The following TNFRSF13B variants were observed in gnomAD, a reference collection of about 807,000 sequenced individuals.
TNFRSF13B encodes tumor necrosis factor receptor superfamily member 13B.
In TNFRSF13B, 34 loss-of-function variants were observed where a neutral mutation model predicts 24.0. That is an observed-to-expected ratio of 1.41 (90% CI 1.08 to 1.88). The LOEUF is 1.88. Ranked by LOEUF, TNFRSF13B falls within the 40% of genes most tolerant of loss-of-function variation. TNFRSF13B has a pLI of 0.00. For missense variants in TNFRSF13B, 415 were observed against 380.8 expected, an observed-to-expected ratio of 1.09 and a Z score of -0.75; for synonymous variants, 173 against 150.3, an observed-to-expected ratio of 1.15 and a Z score of -1.10.
intron 1 of TNFRSF13B, among the ~76,000 whole-genome samples, 175 bp from the exon 2 acceptor site, chr17:16,952,758 C>T (rs1312508904): frequency 5.9e-5 from 9 of 152,194 alleles, no homozygotes; most frequent in Non-Finnish European, 1.5e-5. Flanking sequence ...TGCTAGGGGC[C>T]TGGGGCAGCC....
intron 3 of TNFRSF13B, among the ~76,000 whole-genome samples, chr17:16,948,521 G>A (rs769296923): frequency 2.0e-5 from 3 of 152,120 alleles, no homozygotes; most frequent in Admixed American, 6.5e-5. Flanking sequence ...TTCCTCACAC[G>A]GCAGGTCCTT....
intron 1 of TNFRSF13B, among the ~76,000 whole-genome samples, chr17:16,953,224 G>GA (rs1894491609): frequency 6.6e-6 from 1 of 152,136 alleles, no homozygotes; most frequent in African/African-American, 2.4e-5. Flanking sequence ...TAGTACTTAG[G>GA]ACACAGCACC....
rs2087487647 is a variant in TNFRSF13B at position 16,939,302 on chromosome 17, T to A, written c.*245A>T. On this transcript the variant is annotated 3_prime_UTR_variant, in exon 5 of 5. Transcript: ENST00000261652. The stretch of plus-strand genomic sequence containing the variant: ...CTGCCTCTCTCCCTCTCTGCCTCTC[T>A]CCCTCTCTGCCTCTCTCCTTCTCTG... 2 of 498,304 alleles carry A rather than the reference T, an allele frequency of 4.0e-6. No individual in the cohort carries two copies. The highest frequency in any genetic ancestry group is 3.5e-5 in the East Asian group (1 of 28,338). 30.9% of individuals were successfully genotyped at this position (498,304 alleles called of 1,614,324 possible).
intron 1 of TNFRSF13B, among the ~76,000 whole-genome samples, chr17:16,969,227 T>C (rs562102816): frequency 1.3e-5 from 2 of 152,332 alleles, no homozygotes; most frequent in East Asian, 3.9e-4. Context: ...TGAAGACATG[T>C]TCACCCAAAA....
At position 16,939,490 on chromosome 17, in the gene TNFRSF13B, T is replaced by C; in HGVS notation, c.*57A>G. The C allele has an allele frequency of 5.8e-6, 9 of 1,538,780 alleles. No homozygotes were observed. The highest frequency in any genetic ancestry group is 1.7e-4 in the Middle Eastern group (1 of 5,854). ...CTCTCTCCCCTCTCCCCACCTCTCT[T>C]TCTCTCTCCCCTCCTCTCCATCTCT... On this transcript the variant is annotated 3_prime_UTR_variant, in exon 5 of 5. Transcript: ENST00000261652.
intron 3 of TNFRSF13B, among the ~76,000 whole-genome samples, chr17:16,945,164 T>C (rs1037710345): frequency 6.6e-6 from 1 of 152,184 alleles, no homozygotes; most frequent in Non-Finnish European, 1.5e-5. Context: ...TGGCAGCTGA[T>C]GTAGGGTGAG....
intron 1 of TNFRSF13B, among the ~76,000 whole-genome samples, chr17:16,960,440 C>A (rs190719448): frequency 1.0e-3 from 153 of 152,226 alleles, no homozygotes; most frequent in Admixed American, 4.3e-3. Context: ...GAAAGGAGAG[C>A]ATAAGATTAT....
At position 16,939,305 on chromosome 17, in the gene TNFRSF13B, C is replaced by G; in HGVS notation, c.*242G>C. On this transcript the variant is annotated 3_prime_UTR_variant, in exon 5 of 5. Coordinates refer to ENST00000261652, the MANE Select transcript of TNFRSF13B (RefSeq NM_012452.3). ...CCTCTCTCCCTCTCTGCCTCTCTCC[C>G]TCTCTGCCTCTCTCCTTCTCTGCCT... is the stretch of plus-strand genomic sequence containing the variant. 2 of 508,456 alleles carry G rather than the reference C, an allele frequency of 3.9e-6. No homozygotes were observed. The highest frequency in any genetic ancestry group is 6.9e-6 in the Non-Finnish European group (2 of 291,848). The allele number at this position is 508,456 out of a possible 1,614,324, so 31.5% of individuals were successfully genotyped here.
chr17:16,952,758 C>A (rs1312508904), intron 1 of TNFRSF13B, among the ~76,000 whole-genome samples, 175 bp from the exon 2 acceptor site: 1 of 152,194 alleles, frequency 6.6e-6, no homozygotes, highest in Non-Finnish European at 1.5e-5. Flanking sequence ...TGCTAGGGGC[C>A]TGGGGCAGCC....
At chr17:16,966,112 G>A (rs1288353624) in intron 1 of TNFRSF13B, among the ~76,000 whole-genome samples, 1 of 151,922 alleles carries the variant, frequency 6.6e-6, no homozygotes, top group African/African-American at 2.4e-5. Context: ...AAATTAGCTG[G>A]GCATGGTGGT....
chr17:16,954,859 C>G (rs35529291), intron 1 of TNFRSF13B, among the ~76,000 whole-genome samples: 1 of 152,150 alleles, frequency 6.6e-6, no homozygotes, highest in South Asian at 2.1e-4. Context: ...AGGGTAGCAA[C>G]GTGGTCCTTC....
chr17:16,957,461 C>T (rs965006410), intron 1 of TNFRSF13B, among the ~76,000 whole-genome samples: 4 of 151,898 alleles, frequency 2.6e-5, no homozygotes, highest in African/African-American at 9.7e-5. Flanking sequence ...CCCAAATTTC[C>T]CAAATCTGAG....
intron 1 of TNFRSF13B, among the ~76,000 whole-genome samples, chr17:16,963,934 G>A (rs891683599): frequency 1.3e-5 from 2 of 152,182 alleles, no homozygotes; most frequent in Non-Finnish European, 2.9e-5. Context: ...GGTAGGGGCA[G>A]GAGAGGATTC....
At chr17:16,943,387 C>T (rs2087525210) in intron 3 of TNFRSF13B, among the ~76,000 whole-genome samples, 1 of 152,202 alleles carries the variant, frequency 6.6e-6, no homozygotes, top group South Asian at 2.1e-4. Context: ...ACGGGCACCC[C>T]CAGTGTCTGC....
At chr17:16,956,212 A>C (rs1411923438) in intron 1 of TNFRSF13B, among the ~76,000 whole-genome samples, 1 of 152,248 alleles carries the variant, frequency 6.6e-6, no homozygotes, top group Non-Finnish European at 1.5e-5. Context: ...AAAAATACAT[A>C]GCTTAAAACT....
intron 2 of TNFRSF13B, among the ~76,000 whole-genome samples, chr17:16,951,423 C>T (rs569288292): frequency 3.9e-5 from 6 of 152,178 alleles, no homozygotes; most frequent in African/African-American, 1.4e-4. Context: ...AAAAGAACAG[C>T]AAGCAACGAA....
chr17:16,947,479 T>C (rs2087557339), intron 3 of TNFRSF13B, among the ~76,000 whole-genome samples: 2 of 152,284 alleles, frequency 1.3e-5, no homozygotes, highest in Middle Eastern at 6.8e-3. Context: ...CCATAATCTA[T>C]GAGGAAGTTA....
In TNFRSF13B at chr17:16,939,305, C is replaced by CTCTCTGCCTCTCTCCT. The variant is rs1482290237; in HGVS notation, c.*226_*241dup. Reference sequence around the variant, plus strand: ...CCTCTCTCCCTCTCTGCCTCTCTCCCTCTCTGCCTCTCTCCTTCTCTGCCT... The same window carrying CTCTCTGCCTCTCTCCT: ...CCTCTCTCCCTCTCTGCCTCTCTCCCTCTCTGCCTCTCTCCTTCTCTGCCTCTCTCCTTCTCTGCCT... On this transcript the variant is annotated 3_prime_UTR_variant, in exon 5 of 5. Coordinates refer to ENST00000261652, the MANE Select transcript of TNFRSF13B (RefSeq NM_012452.3). 86 of 508,456 alleles carry CTCTCTGCCTCTCTCCT rather than the reference C, an allele frequency of 1.7e-4. 1 individual carries two copies. In the East Asian group the frequency reaches 2.8e-3, roughly 17 times the overall value. The allele number at this position is 508,456 out of a possible 1,614,324, so 31.5% of individuals were successfully genotyped here.
At chr17:16,942,532 G>A (rs142032470) in intron 3 of TNFRSF13B, among the ~76,000 whole-genome samples, 177 of 152,198 alleles carry the variant, frequency 1.2e-3, no homozygotes, top group Middle Eastern at 0.01. Context: ...GAGGCCTAAC[G>A]GAGGAAAGCA....
Sources: gnomAD v4.1 joint callset for allele counts (sites outside exome capture counted in the v4.1 genomes callset) on GRCh38, gnomAD v4.1.1 for gene constraint, MANE v1.5 for transcripts, NCBI Gene and HGNC (gene_info 2026-07-23, HGNC 2026-07-21) for gene names.